The following RRBP1 variants were observed in gnomAD, a reference collection of about 807,000 sequenced individuals.
RRBP1 encodes ribosome binding protein 1, also known as ribosome-binding protein 1.
Under a neutral mutation model 165.2 loss-of-function variants are expected in RRBP1, and 94 were observed. The observed-to-expected ratio is 0.57, with a 90% CI of 0.48 to 0.68. The LOEUF (loss-of-function observed/expected upper bound fraction) is 0.68. Among genes scored for constraint, RRBP1 ranks in the 30% least tolerant of loss-of-function variants. The probability of loss-of-function intolerance (pLI) is 0.00; values close to 1 mark genes in which losing one functional copy is unlikely to be tolerated. For missense variants in RRBP1, 1,676 were observed against 1,763.0 expected, an observed-to-expected ratio of 0.95 and a Z score of 0.88; for synonymous variants, 680 against 714.5, an observed-to-expected ratio of 0.95 and a Z score of 0.77.
At chr20:17,621,177 G>A (rs950715895) in intron 16 of RRBP1, among the ~76,000 whole-genome samples, 1 of 152,208 alleles carries the variant, frequency 6.6e-6, no homozygotes, top group African/African-American at 2.4e-5. Flanking sequence ...AGTCACAAAC[G>A]GGGTTCAACC....
rs977970459 is a variant in RRBP1 at position 17,615,995 on chromosome 20, C to T, written c.3882G>A (p.Leu1294=). ...EQDPVQLKTQ[L]EWTEAILEDE... is the part of the protein sequence containing the mutation. ...CCTCCAGGATGGCTTCTGTCCACTC[C>T]AGCTGCGTCTTCAGCTGTGCAAACA... The change falls in exon 22 of 25, where the codon CTG becomes CTA. Residue 1294 remains leucine (L), a synonymous_variant. Transcript: ENST00000377813. 6.2e-7 allele frequency: 1 copy of T among 1,606,990 alleles called. No homozygotes were observed. The highest frequency in any genetic ancestry group is 1.7e-5 in the Admixed American group (1 of 59,990).
chr20:17,639,494 G>C (rs1324719237), intron 5 of RRBP1, among the ~76,000 whole-genome samples: 1 of 152,234 alleles, frequency 6.6e-6, no homozygotes, highest in Non-Finnish European at 1.5e-5. Context: ...CATCTCCCCA[G>C]CTCCCGAGGG....
chr20:17,624,471 G>C, intron 13 of RRBP1, 105 bp downstream of exon 13: 1 of 755,290 alleles, frequency 1.3e-6, no homozygotes, highest in Non-Finnish European at 2.3e-6. Context: ...GTGCATCTGT[G>C]CGTCCTAGAG....
Position 17,660,337 on chromosome 20 carries a change from G to A in RRBP1, c.171C>T (p.Val57=), listed in dbSNP as rs781380026. ...CTGTTTTCTCCTTCTTTTTCTTCTC[G>A]ACTTTCTGGTGGTGAGTTTTCGCCA... is the stretch of plus-strand genomic sequence containing the variant. ...KEMAKTHHQK[V]EKKKKEKTVE... The change falls in exon 3 of 25, where the codon GTC becomes GTT. Residue 57 remains valine, a synonymous_variant. Coordinates refer to ENST00000377813, the MANE Select transcript of RRBP1 (RefSeq NM_001365613.2). 9.3e-6 allele frequency: 15 copies of A among 1,612,840 alleles called. No individual in the cohort carries two copies. The highest frequency in any genetic ancestry group is 6.6e-5 in the South Asian group (6 of 90,906).
chr20:17,658,804 T>C lies in RRBP1; in HGVS notation c.1704A>G (p.Lys568=). ...CTTCACTGGGGGACCCTTCTGCTTT[T>C]TTCCCCTGGTTTGTAATACCCTCTA... ...TKVEGITNQG[K]KAEGSPSEGK... Residue 568 remains lysine, a synonymous_variant, in exon 3 of 25, where the codon AAA becomes AAG. Transcript: ENST00000377813. 3 of 1,614,048 alleles carry C rather than the reference T, an allele frequency of 1.9e-6. No individual in the cohort carries two copies. Among genetic ancestry groups the C allele is most frequent in the South Asian group, 1.1e-5 (1 of 91,082 alleles).
chr20:17,636,475 C>G (rs2036250440), intron 6 of RRBP1, 102 bp downstream of exon 6: 1 of 1,397,960 alleles, frequency 7.2e-7, no homozygotes, highest in African/African-American at 1.4e-5. Flanking sequence ...CATCCTCAAC[C>G]CCCTCCTCAT....
At position 17,659,628 on chromosome 20, in the gene RRBP1, C is replaced by T. The variant is rs1284449975; in HGVS notation, c.880G>A (p.Gly294Arg). 6.4e-7 allele frequency: 1 copy of T among 1,550,526 alleles called. No homozygotes were observed. The highest frequency in any genetic ancestry group is 2.0e-5 in the Admixed American group (1 of 50,996). Residue 294 changes from glycine to arginine, a missense_variant, in exon 3 of 25, where the codon GGG becomes AGG. By Grantham distance (125) the Gly-to-Arg change is moderately radical (BLOSUM62 -2). Transcript: ENST00000377813. Reference sequence around the variant, plus strand: ...ACCTTTTTGGCCTGGTTCTGAGCCCCCTCGGCCTTTCTGCCCTGGGTTGGG... The same window carrying T: ...ACCTTTTTGGCCTGGTTCTGAGCCCTCTCGGCCTTTCTGCCCTGGGTTGGG... ...GAPTQGRKAE[G>R]AQNQAKKVEG... is the part of the protein sequence containing the mutation.
intron 20 of RRBP1, among the ~76,000 whole-genome samples, chr20:17,618,209 G>A (rs1398414786): frequency 1.3e-5 from 2 of 152,250 alleles, no homozygotes; most frequent in African/African-American, 4.8e-5. Flanking sequence ...AGGGCGATGG[G>A]TGGCCAGGCC....
At chr20:17,680,420 G>C (rs1307909332) in intron 1 of RRBP1, among the ~76,000 whole-genome samples, 1 of 152,178 alleles carries the variant, frequency 6.6e-6, no homozygotes, top group Non-Finnish European at 1.5e-5. Flanking sequence ...ATGCCATCCA[G>C]ATGGCCCCTA....
chr20:17,622,564 CAG>C (rs2035935819), intron 13 of RRBP1, among the ~76,000 whole-genome samples: 1 of 152,072 alleles, frequency 6.6e-6, no homozygotes, highest in Non-Finnish European at 1.5e-5. Context: ...TCAGAGGAGA[CAG>C]GGACTTTGCA....
chr20:17,631,334 G>A (rs1227717550), intron 8 of RRBP1, among the ~76,000 whole-genome samples: 2 of 152,218 alleles, frequency 1.3e-5, no homozygotes, highest in Non-Finnish European at 2.9e-5. Flanking sequence ...TTAAGAAAAG[G>A]GACTCCAGCT....
At position 17,632,546 on chromosome 20, in the gene RRBP1, C is replaced by A. The variant is rs182475284; in HGVS notation, c.2610+914G>T. On this transcript the variant is annotated intron_variant, in intron 8 of 24. Coordinates refer to ENST00000377813, the MANE Select transcript of RRBP1 (RefSeq NM_001365613.2). ...CATGTTCTCTTTTAGTCCTTGCACA[C>A]GCTCAAACATCACTCTTAAAATTTC... Among the ~76,000 whole-genome samples the A allele has an allele frequency of 6.6e-4, 101 of 152,348 alleles. 2 individuals are homozygous for A. Among genetic ancestry groups the A allele is most frequent in the Admixed American group, 4.8e-3 (74 of 15,298 alleles).
chr20:17,644,250 C>T (rs746684679), intron 3 of RRBP1, among the ~76,000 whole-genome samples: 21 of 152,074 alleles, frequency 1.4e-4, no homozygotes, highest in Non-Finnish European at 2.2e-4. Flanking sequence ...TGGTGAGGCT[C>T]GGGAGTTTAA....
At chr20:17,629,992 A>C in intron 8 of RRBP1, 31 bp from the exon 9 acceptor site, 2 of 1,578,788 alleles carry the variant, frequency 1.3e-6, no homozygotes, top group Non-Finnish European at 1.7e-6. Context: ...GGGGCAGTGA[A>C]GACGTGGAAG....
At chr20:17,673,590 G>A (rs2037019992) in intron 2 of RRBP1, among the ~76,000 whole-genome samples, 1 of 152,082 alleles carries the variant, frequency 6.6e-6, no homozygotes, top group African/African-American at 2.4e-5. Context: ...TGTATTTTTA[G>A]TAGAGACAGG....
chr20:17,647,013 G>A lies in RRBP1; in HGVS notation c.1913-3886C>T, dbSNP rs1600756792. On this transcript the variant is annotated intron_variant, in intron 3 of 24. Transcript: ENST00000377813. ...CTCCAGGAACTGCCGCCTGAGCCCT[G>A]GCAGCAGCTGGTGGTTAATAGGAGG... 2.6e-5 allele frequency among the ~76,000 whole-genome samples: 4 copies of A among 152,314 alleles called. No individual in the cohort carries two copies. The South Asian group carries it at 8.3e-4, about 32-fold the overall frequency.
At chr20:17,639,723 G>A (rs546296929) in intron 5 of RRBP1, among the ~76,000 whole-genome samples, 11 of 152,154 alleles carry the variant, frequency 7.2e-5, no homozygotes, top group Admixed American at 3.3e-4. Context: ...GAGAAACCCC[G>A]TCTCTACTAA....
chr20:17,654,889 G>A (rs991499509), intron 3 of RRBP1, among the ~76,000 whole-genome samples: 2 of 152,150 alleles, frequency 1.3e-5, no homozygotes, highest in African/African-American at 4.8e-5. Flanking sequence ...GCCTTCCAGG[G>A]ATCTTTCTCA....
chr20:17,646,104 T>C (rs2036457598), intron 3 of RRBP1, among the ~76,000 whole-genome samples: 3 of 151,950 alleles, frequency 2.0e-5, no homozygotes, highest in Admixed American at 2.0e-4. Flanking sequence ...CTGTGACAAA[T>C]AACCACACAG....
Sources: gnomAD v4.1 joint callset for allele counts (sites outside exome capture counted in the v4.1 genomes callset) on GRCh38, gnomAD v4.1.1 for gene constraint, MANE v1.5 for transcripts, NCBI Gene and HGNC (gene_info 2026-07-23, HGNC 2026-07-21) for gene names.